WDR27: variants seen among roughly 807,000 people sequenced by gnomAD.
The protein encoded by WDR27 is WD repeat domain 27, also known as WD repeat-containing protein 27.
A neutral mutation model predicts 114.4 loss-of-function variants in WDR27; 100 were observed. The ratio of observed to expected loss-of-function variants is 0.87; its 90% CI spans 0.74 to 1.03. The LOEUF (loss-of-function observed/expected upper bound fraction) is 1.03, where lower values mean the gene tolerates loss of function less well. WDR27 is among the 50% of genes least tolerant of loss of function. The pLI is 0.00. For synonymous variants in WDR27, 449 were observed against 423.1 expected (o/e 1.06, Z -0.75); for missense variants, 1,129 against 1,092.9 (o/e 1.03, Z -0.47).
In WDR27 at chr6:169,659,436, C is replaced by G; in HGVS notation, c.1197+15G>C. The stretch of plus-strand genomic sequence containing the variant: ...CACGTCTCATAGACAGGGAGGGCCG[C>G]GTCTCAGGACTGACCTTTTGATCCG... On this transcript the variant is annotated intron_variant, in intron 11 of 25. Transcript: ENST00000448612. The surrounding 1 kb of genome is among the most constrained non-coding windows in gnomAD (Gnocchi z 4.3). 1 of 1,604,622 alleles carries G rather than the reference C, an allele frequency of 6.2e-7. No homozygotes were observed. The highest frequency in any genetic ancestry group is 8.5e-7 in the Non-Finnish European group (1 of 1,175,540).
At chr6:169,577,086 G>GAAAA (rs111868145) in intron 24 of WDR27, among the ~76,000 whole-genome samples, 13,166 of 144,404 alleles carry the variant, frequency 0.091, 855 homozygotes, top group South Asian at 0.29. Context: ...AAAAGAAAAG[G>GAAAA]AAAAAAAAAA....
intron 12 of WDR27, 150 bp downstream of exon 12, chr6:169,658,936 C>A (rs1825131268): frequency 2.6e-5 from 27 of 1,051,162 alleles, no homozygotes; most frequent in Non-Finnish European, 2.7e-5. Flanking sequence ...ATCCACCCGC[C>A]TCGGCCTCCC....
At chr6:169,532,406 G>C (rs1409258038) in intron 25 of WDR27, among the ~76,000 whole-genome samples, 2 of 152,068 alleles carry the variant, frequency 1.3e-5, no homozygotes, top group Non-Finnish European at 2.9e-5. Flanking sequence ...AAAGAAAGCA[G>C]ACATGGATTT....
In WDR27 at chr6:169,629,915, G is replaced by A. The variant is rs1414861813; in HGVS notation, c.2223+3032C>T. On this transcript the variant is annotated intron_variant, in intron 21 of 25. Transcript: ENST00000448612. ...GCACTCCAGCCTGGGCGACAAGAGC[G>A]AAACTTCATCTCAAAAAAAAAAAAA... Among the ~76,000 whole-genome samples the A allele has an allele frequency of 1.7e-4, 17 of 100,146 alleles. No homozygotes were observed. The South Asian group carries it at 4.1e-3, about 24-fold the overall frequency. 65.7% of individuals were successfully genotyped at this position (100,146 alleles called of 152,430 possible).
intron 25 of WDR27, among the ~76,000 whole-genome samples, chr6:169,466,253 C>G (rs1430980521): frequency 6.6e-6 from 1 of 152,096 alleles, no homozygotes; most frequent in African/African-American, 2.4e-5. Context: ...GGCCAGCTCT[C>G]TTATATGCCG....
chr6:169,590,024 A>T lies in WDR27; in HGVS notation c.2425-7090T>A, dbSNP rs77432181. On this transcript the variant is annotated intron_variant, in intron 23 of 25. Transcript: ENST00000448612. ...GGCATAAATCTGTGGGTGCTGGAAT[A>T]ACGCTTGACTGCTCAAAAATGTTTT... Among the ~76,000 whole-genome samples the T allele has an allele frequency of 2.0e-5, 3 of 150,762 alleles. 1 individual carries two copies. The highest frequency in any genetic ancestry group is 7.3e-5 in the African/African-American group (3 of 40,928).
At chr6:169,444,736 A>T in the WDR27 span, among the ~76,000 whole-genome samples, 2 of 151,636 alleles carry the variant, frequency 1.3e-5, no homozygotes, top group Non-Finnish European at 2.9e-5. Context: ...AAACAACCAG[A>T]TCCTGCTAGA....
At chr6:169,653,594 G>C (rs1562825178) in intron 13 of WDR27, among the ~76,000 whole-genome samples, 1 of 152,124 alleles carries the variant, frequency 6.6e-6, no homozygotes, top group African/African-American at 2.4e-5. Flanking sequence ...ATTTTTTGAG[G>C]GTACTGCTAT....
At chr6:169,689,164 G>C in intron 1 of WDR27, 152 bp from the exon 2 acceptor site, 1 of 507,872 alleles carries the variant, frequency 2.0e-6, no homozygotes, top group Non-Finnish European at 3.3e-6. Context: ...GAAAAAAGAA[G>C]AGAAATTGCC....
chr6:169,444,857 T>C, the WDR27 span, among the ~76,000 whole-genome samples: 3 of 152,148 alleles, frequency 2.0e-5, no homozygotes, highest in African/African-American at 7.2e-5. Flanking sequence ...AGCCCAATCC[T>C]GGGCTGCCCT....
chr6:169,663,875 C>T (rs1374251051), intron 8 of WDR27, among the ~76,000 whole-genome samples: 1 of 152,184 alleles, frequency 6.6e-6, no homozygotes. Flanking sequence ...TCCTTGGTCA[C>T]CCACTGCAGG....
chr6:169,504,883 T>G (rs1791813426), intron 25 of WDR27, among the ~76,000 whole-genome samples: 1 of 152,132 alleles, frequency 6.6e-6, no homozygotes. Context: ...ACAGGTATGA[T>G]CTACTACACC....
chr6:169,476,262 C>T (rs901490356), intron 25 of WDR27, among the ~76,000 whole-genome samples: 1 of 152,164 alleles, frequency 6.6e-6, no homozygotes, highest in East Asian at 1.9e-4. Context: ...GGATAGAATC[C>T]AGGGCTTGTG....
At chr6:169,501,994 C>G (rs1371974454) in intron 25 of WDR27, among the ~76,000 whole-genome samples, 3 of 152,232 alleles carry the variant, frequency 2.0e-5, no homozygotes, top group Admixed American at 1.3e-4. Context: ...TGGGCCGGAT[C>G]GCTCCAGTGT....
At chr6:169,695,934 G>A (rs978519937) in intron 1 of WDR27, among the ~76,000 whole-genome samples, 2 of 152,168 alleles carry the variant, frequency 1.3e-5, no homozygotes, top group African/African-American at 2.4e-5. Context: ...TGAGGCCTGT[G>A]GTGGCCCTAG....
chr6:169,437,550 T>C, the WDR27 span, among the ~76,000 whole-genome samples: 1 of 152,306 alleles, frequency 6.6e-6, no homozygotes, highest in African/African-American at 2.4e-5. Flanking sequence ...AATTTTCCTT[T>C]TGAAGCTTTT....
intron 22 of WDR27, among the ~76,000 whole-genome samples, chr6:169,603,279 G>A (rs1315869214): frequency 2.6e-5 from 4 of 151,134 alleles, no homozygotes; most frequent in African/African-American, 9.8e-5. Context: ...AAAATAACCT[G>A]AACTGTAGTG....
At chr6:169,661,318 T>C (rs9396991) in intron 9 of WDR27, among the ~76,000 whole-genome samples, 13,059 of 152,224 alleles carry the variant, frequency 0.086, 1,736 homozygotes, top group East Asian at 0.6. Context: ...CCCACCTCTG[T>C]GAATAAGGAA....
At chr6:169,547,100 G>C (rs1219142843) in intron 25 of WDR27, among the ~76,000 whole-genome samples, 2 of 152,064 alleles carry the variant, frequency 1.3e-5, no homozygotes, top group Non-Finnish European at 2.9e-5. Flanking sequence ...CCAATTCTTT[G>C]AAAGACACAA....
Sources: gnomAD v4.1 joint callset for allele counts (sites outside exome capture counted in the v4.1 genomes callset) on GRCh38, gnomAD v4.1.1 for gene constraint, Gnocchi (gnomAD v3.1) non-coding constraint, MANE v1.5 for transcripts, NCBI Gene and HGNC (gene_info 2026-07-23, HGNC 2026-07-21) for gene names.